RAB5C: variants seen among roughly 807,000 people sequenced by gnomAD.
RAB5C encodes ras-related protein Rab-5C.
A neutral mutation model predicts 25.2 loss-of-function variants in RAB5C; 4 were observed. The observed-to-expected ratio is 0.16, with a 90% CI of 0.08 to 0.36. RAB5C has a LOEUF of 0.36. Among genes scored for constraint, RAB5C ranks in the 10% least tolerant of loss-of-function variants. RAB5C has a pLI of 1.00. For synonymous variants in RAB5C, 100 were observed against 106.4 expected, an observed-to-expected ratio of 0.94 and a Z score of 0.37; for missense variants, 199 against 283.8, an observed-to-expected ratio of 0.70 and a Z score of 2.15.
chr17:42,139,426 C>T (rs1251480322), intron 1 of RAB5C, among the ~76,000 whole-genome samples: 2 of 152,194 alleles, frequency 1.3e-5, no homozygotes, highest in East Asian at 3.8e-4. Context: ...CTAAGAGGGC[C>T]CAGTGTCTAA....
At chr17:42,135,083 C>G (rs11869069) in intron 1 of RAB5C, among the ~76,000 whole-genome samples, 53,620 of 150,710 alleles carry the variant, frequency 0.36, 12,846 homozygotes, top group African/African-American at 0.69. Flanking sequence ...CAGGCTCAAG[C>G]GATTCTAATG....
chr17:42,128,803 G>T lies in RAB5C; in HGVS notation c.167-3C>A. ...GACAGTCTGTGTGAGGAAGGCCGCT[G>T]TAAGAGAGAAGGAGCGTCCATGGGC... On this transcript the variant is annotated splice_region_variant and splice_polypyrimidine_tract_variant and intron_variant, in intron 2 of 5. Transcript: ENST00000346213. 6.7e-7 allele frequency: 1 copy of T among 1,493,114 alleles called. No homozygotes were observed. The highest frequency in any genetic ancestry group is 8.9e-7 in the Non-Finnish European group (1 of 1,121,534). 92.5% of individuals were successfully genotyped at this position (1,493,114 alleles called of 1,614,324 possible).
In RAB5C at chr17:42,125,683, C is replaced by T. The variant is rs367826901; in HGVS notation, c.*100G>A. ...CATGGTGGACCCCTCCCCCTGCCCC[C>T]CCAGTGGTGGCCCGAGTCGTTAAGT... On this transcript the variant is annotated 3_prime_UTR_variant, in exon 6 of 6. Coordinates refer to ENST00000346213, the MANE Select transcript of RAB5C (RefSeq NM_004583.4). 2.5e-6 allele frequency: 2 copies of T among 787,262 alleles called. No homozygotes were observed. Among genetic ancestry groups the T allele is most frequent in the African/African-American group, 1.7e-5 (1 of 58,428 alleles). 48.8% of individuals were successfully genotyped at this position (787,262 alleles called of 1,614,324 possible).
intron 5 of RAB5C, chr17:42,126,524 C>G (rs773300685): frequency 3.9e-6 from 1 of 254,768 alleles, no homozygotes; most frequent in Non-Finnish European, 7.5e-6. Flanking sequence ...CCCAGCTGCT[C>G]GAGAGGCTGA....
intron 1 of RAB5C, among the ~76,000 whole-genome samples, chr17:42,135,138 C>T (rs1257582230): frequency 1.3e-5 from 2 of 152,064 alleles, no homozygotes; most frequent in Non-Finnish European, 2.9e-5. Flanking sequence ...TACGTCATTA[C>T]ACCCGGCTAA....
chr17:42,138,776 C>A (rs930382541), intron 1 of RAB5C, among the ~76,000 whole-genome samples: 1 of 152,176 alleles, frequency 6.6e-6, no homozygotes, highest in African/African-American at 2.4e-5. Flanking sequence ...GGCTTAAAGC[C>A]TGGATACACA....
intron 1 of RAB5C, among the ~76,000 whole-genome samples, chr17:42,134,983 T>G (rs1383417205): frequency 1.4e-5 from 1 of 70,738 alleles, no homozygotes; most frequent in Non-Finnish European, 2.5e-5. Flanking sequence ...TTCTTAAGTT[T>G]TTTTTTTTTT....
At chr17:42,134,526 GAGATCGCGC>G (rs2054517142) in intron 1 of RAB5C, among the ~76,000 whole-genome samples, 2 of 152,312 alleles carry the variant, frequency 1.3e-5, no homozygotes, top group South Asian at 4.1e-4. Flanking sequence ...GCAGTGAGCT[GAGATCGCGC>G]CATTGCACTC....
At chr17:42,143,612 G>C (rs969094442) in intron 1 of RAB5C, among the ~76,000 whole-genome samples, 2 of 150,660 alleles carry the variant, frequency 1.3e-5, no homozygotes, top group African/African-American at 5.0e-5. Flanking sequence ...ACTCCAGCCT[G>C]GGGGACAGAG....
At chr17:42,131,826 G>C in intron 1 of RAB5C, 1 of 530,044 alleles carries the variant, frequency 1.9e-6, no homozygotes, top group South Asian at 2.2e-5. Flanking sequence ...GAAGCCTCTA[G>C]AAGACATAAG....
intron 3 of RAB5C, 122 bp downstream of exon 3, chr17:42,128,527 A>G: frequency 6.9e-6 from 6 of 870,578 alleles, no homozygotes; most frequent in East Asian, 4.0e-5. Context: ...CAAACAGGAA[A>G]TCTGCCCACC....
chr17:42,141,308 G>A (rs1342487693), intron 1 of RAB5C, among the ~76,000 whole-genome samples: 1 of 152,206 alleles, frequency 6.6e-6, no homozygotes, highest in Admixed American at 6.5e-5. Context: ...AGGGTTGTGA[G>A]AGAGAAAGCA....
At chr17:42,128,548 GAACA>G in intron 3 of RAB5C, 97 bp downstream of exon 3, 1 of 1,296,698 alleles carries the variant, frequency 7.7e-7, no homozygotes, top group Non-Finnish European at 1.0e-6. Flanking sequence ...CCCCACCCAG[GAACA>G]GAGGGTTAAG....
chr17:42,150,250 G>A (rs2079661528), intron 1 of RAB5C, among the ~76,000 whole-genome samples: 1 of 151,962 alleles, frequency 6.6e-6, no homozygotes, highest in Non-Finnish European at 1.5e-5. Context: ...ATAGGCATGA[G>A]CCACTGTGCC....
At position 42,125,917 on chromosome 17, in the gene RAB5C, A is replaced by T; in HGVS notation, c.536-19T>A. The stretch of plus-strand genomic sequence containing the variant: ...TTCTTAGCTGTTTGGGAGGGGGAAA[A>T]GTGCATTTGTTGGGGGTACCCCAAT... On this transcript the variant is annotated intron_variant, in intron 5 of 5. Transcript: ENST00000346213. The T allele has an allele frequency of 6.4e-7, 1 of 1,572,960 alleles. No homozygotes were observed. The highest frequency in any genetic ancestry group is 8.7e-7 in the Non-Finnish European group (1 of 1,152,366).
chr17:42,147,600 T>A (rs1455009340), intron 1 of RAB5C, among the ~76,000 whole-genome samples: 2 of 152,212 alleles, frequency 1.3e-5, no homozygotes, highest in African/African-American at 4.8e-5. Context: ...TTCTGGAAAC[T>A]GAGTTTGTGA....
intron 1 of RAB5C, among the ~76,000 whole-genome samples, chr17:42,146,408 A>G (rs2079635300): frequency 6.6e-6 from 1 of 152,184 alleles, no homozygotes; most frequent in Non-Finnish European, 1.5e-5. Context: ...TTCTGAAAGA[A>G]TAAGTTTATT....
chr17:42,149,957 C>A (rs1051262412), intron 1 of RAB5C, among the ~76,000 whole-genome samples: 1 of 149,746 alleles, frequency 6.7e-6, no homozygotes, highest in Non-Finnish European at 1.5e-5. Flanking sequence ...CGGCTCACTG[C>A]AACGTCCACC....
At chr17:42,130,207 G>A in intron 2 of RAB5C, 130 bp downstream of exon 2, 1 of 1,309,748 alleles carries the variant, frequency 7.6e-7, no homozygotes, top group Non-Finnish European at 1.0e-6. Flanking sequence ...GGGCCCAGGT[G>A]AGGAAGTGGG....
Sources: gnomAD v4.1 joint callset for allele counts (sites outside exome capture counted in the v4.1 genomes callset) on GRCh38, gnomAD v4.1.1 for gene constraint, MANE v1.5 for transcripts, NCBI Gene and HGNC (gene_info 2026-07-23, HGNC 2026-07-21) for gene names.